Variants in WBP1L observed in about 807,000 individuals in gnomAD.
The protein encoded by WBP1L is WW domain binding protein 1 like, also known as WW domain binding protein 1-like.
A neutral mutation model predicts 33.7 loss-of-function variants in WBP1L; 17 were observed. The ratio of observed to expected loss-of-function variants is 0.50; its 90% CI spans 0.34 to 0.76. The LOEUF (loss-of-function observed/expected upper bound fraction) is 0.76. Ranked by LOEUF, WBP1L falls within the 30% of genes least tolerant of loss-of-function variation. The pLI is 0.01. For synonymous variants in WBP1L, 173 were observed against 190.8 expected, an observed-to-expected ratio of 0.91 and a Z score of 0.77; for missense variants, 389 against 469.4, an observed-to-expected ratio of 0.83 and a Z score of 1.58.
chr10:102,747,692 A>T (rs1842880389), intron 1 of WBP1L, among the ~76,000 whole-genome samples: 1 of 151,810 alleles, frequency 6.6e-6, no homozygotes, highest in Non-Finnish European at 1.5e-5. Context: ...ACGCCCTGCT[A>T]ATTTTTGTAT....
At chr10:102,804,389 A>G (rs1832611999) in intron 2 of WBP1L, among the ~76,000 whole-genome samples, 1 of 12,480 alleles carries the variant, frequency 8.0e-5, no homozygotes, top group Non-Finnish European at 2.0e-4. Context: ...CCCTGTCTCA[A>G]AAAAAAAAAA....
intron 1 of WBP1L, among the ~76,000 whole-genome samples, chr10:102,794,243 T>G (rs547524405): frequency 6.6e-6 from 1 of 152,166 alleles, no homozygotes; most frequent in Non-Finnish European, 1.5e-5. Context: ...GAGACATAGA[T>G]TTCATGATAT....
chr10:102,769,185 A>G (rs959148079), intron 1 of WBP1L, among the ~76,000 whole-genome samples: 11 of 152,120 alleles, frequency 7.2e-5, no homozygotes, highest in African/African-American at 2.4e-4. Context: ...GGGTCTCCCT[A>G]TGTTGCTCAG....
intron 2 of WBP1L, among the ~76,000 whole-genome samples, chr10:102,809,096 T>A (rs1229049157): frequency 2.0e-5 from 3 of 152,088 alleles, no homozygotes; most frequent in Non-Finnish European, 2.9e-5. Flanking sequence ...TTTTGTTTTG[T>A]TTTGTGACGG....
intron 1 of WBP1L, among the ~76,000 whole-genome samples, chr10:102,779,724 C>T (rs1167915460): frequency 6.6e-6 from 1 of 152,194 alleles, no homozygotes; most frequent in African/African-American, 2.4e-5. Flanking sequence ...TCCTCCAGAG[C>T]TGGGCGGCAT....
rs778958839 is a variant in WBP1L, at chr10:102,809,952, C to T, written c.253C>T (p.Arg85Cys). ...GAGCTGCTGCTGTGTTTGCCACCAC[C>T]GCCGAGCCAAGCACCGCCTTCAGGC... ...ILSCCCVCHH[R>C]RAKHRLQAQQ... Residue 85 changes from arginine to cysteine, a missense_variant, in exon 3 of 4, where the codon CGC becomes TGC. Arg to Cys is a radical substitution (Grantham distance 180). Transcript: ENST00000448841. 4.3e-6 allele frequency: 7 copies of T among 1,613,868 alleles called. No homozygotes were observed. Among genetic ancestry groups the T allele is most frequent in the East Asian group, 2.2e-5 (1 of 44,896 alleles).
At chr10:102,775,609 C>T (rs1028579281) in intron 1 of WBP1L, among the ~76,000 whole-genome samples, 6 of 152,096 alleles carry the variant, frequency 3.9e-5, no homozygotes, top group African/African-American at 1.4e-4. Flanking sequence ...ATAAACTCTC[C>T]GGTGGAAGCG....
chr10:102,778,822 C>T (rs950621261), intron 1 of WBP1L, among the ~76,000 whole-genome samples: 9 of 152,124 alleles, frequency 5.9e-5, no homozygotes, highest in East Asian at 1.9e-4. Flanking sequence ...TCATCTTTAT[C>T]GTACATATGT....
At chr10:102,751,994 T>C (rs1564752623) in intron 1 of WBP1L, among the ~76,000 whole-genome samples, 1 of 152,228 alleles carries the variant, frequency 6.6e-6, no homozygotes, top group Non-Finnish European at 1.5e-5. Context: ...TAGTGTCAAC[T>C]CCCAGACTAA....
chr10:102,758,027 G>T (rs1328347396), intron 1 of WBP1L, among the ~76,000 whole-genome samples: 2 of 150,584 alleles, frequency 1.3e-5, no homozygotes, highest in Non-Finnish European at 2.9e-5. Flanking sequence ...CTGGACTACA[G>T]GCGCCCGCTA....
At chr10:102,772,086 A>G (rs538735316) in intron 1 of WBP1L, among the ~76,000 whole-genome samples, 2 of 150,150 alleles carry the variant, frequency 1.3e-5, no homozygotes, top group African/African-American at 4.9e-5. Flanking sequence ...TCAGCTCCCA[A>G]GTAGCTGGAA....
intron 1 of WBP1L, among the ~76,000 whole-genome samples, chr10:102,770,916 G>C (rs1383933871): frequency 6.6e-6 from 1 of 152,234 alleles, no homozygotes; most frequent in Non-Finnish European, 1.5e-5. Context: ...AAAGGAAAGA[G>C]CCTGTGGAGC....
At chr10:102,763,202 T>C (rs1843064803) in intron 1 of WBP1L, among the ~76,000 whole-genome samples, 1 of 104,342 alleles carries the variant, frequency 9.6e-6, no homozygotes, top group Non-Finnish European at 1.9e-5. Context: ...GTGAAACTTT[T>C]GTCTCAAAAA....
Position 102,813,164 on chromosome 10 carries a change from C to A in WBP1L, c.925C>A (p.His309Asn). The change falls in exon 4 of 4, where the codon CAT becomes AAT. Residue 309 changes from histidine to asparagine, a missense_variant. Coordinates refer to ENST00000448841, the MANE Select transcript of WBP1L (RefSeq NM_001083913.2). ...DGPLDFCDSC[H>N]VRPPGDEEEG... ...GCCCCTGGACTTCTGCGACAGCTGC[C>A]ATGTGCGGCCCCCTGGTGATGAGGA... The A allele has an allele frequency of 6.2e-7, 1 of 1,614,052 alleles. No homozygotes were observed. Among genetic ancestry groups the A allele is most frequent in the Non-Finnish European group, 8.5e-7 (1 of 1,180,034 alleles).
chr10:102,768,371 G>GTTTTGTTTTTTTTTTTTTTT (rs1843139784), intron 1 of WBP1L, among the ~76,000 whole-genome samples: 1 of 12,220 alleles, frequency 8.2e-5, no homozygotes, highest in African/African-American at 5.4e-4. Context: ...TTAGTTTTTT[G>GTTTTGTTTTTTTTTTTTTTT]TTTTTTTTTT....
intron 1 of WBP1L, chr10:102,776,493 T>G (rs1564760495): frequency 1.3e-6 from 2 of 1,596,086 alleles, no homozygotes; most frequent in East Asian, 2.2e-5. Flanking sequence ...CTGCTTTGGG[T>G]GGAGGGAATA....
intron 1 of WBP1L, chr10:102,776,186 G>C: frequency 2.1e-6 from 3 of 1,455,732 alleles, no homozygotes; most frequent in Non-Finnish European, 2.7e-6. Context: ...GTGGGCCAGA[G>C]CCAGGCAGGG....
Position 102,813,188 on chromosome 10 carries a change from G to C in WBP1L, c.949G>C (p.Glu317Gln). Residue 317 changes from glutamate (E) to glutamine (Q), a missense_variant, in exon 4 of 4, where the codon GAG (glutamate) becomes CAG (glutamine). Transcript: ENST00000448841. ...SCHVRPPGDE[E>Q]EGLCQSSEEQ... ...CCATGTGCGGCCCCCTGGTGATGAG[G>C]AGGAAGGCCTCTGTCAGTCCTCTGA... is the stretch of plus-strand genomic sequence containing the variant. 3 of 1,613,872 alleles carry C rather than the reference G, an allele frequency of 1.9e-6. No individual in the cohort carries two copies. The highest frequency in any genetic ancestry group is 1.7e-6 in the Non-Finnish European group (2 of 1,180,016).
rs1358562995 is a variant in WBP1L, at chr10:102,812,995, C to T, written c.756C>T (p.Gly252=). ...ELLKDDSSEH[G]APDSKEKTPG... ...TGAAAGATGACAGCTCTGAACACGG[C>T]GCACCCGACAGCAAAGAGAAGACGC... Residue 252 remains glycine (G), a synonymous_variant, in exon 4 of 4, where the codon GGC becomes GGT. Coordinates refer to ENST00000448841, the MANE Select transcript of WBP1L (RefSeq NM_001083913.2). 9 of 1,613,288 alleles carry T rather than the reference C, an allele frequency of 5.6e-6. No homozygotes were observed. Among genetic ancestry groups the T allele is most frequent in the African/African-American group, 4.0e-5 (3 of 74,894 alleles).
Sources: allele counts gnomAD v4.1 joint callset (sites outside exome capture counted in the v4.1 genomes callset), GRCh38; gene constraint gnomAD v4.1.1; transcripts MANE v1.5; gene names NCBI Gene and HGNC (gene_info 2026-07-23, HGNC 2026-07-21).